The following JAK1 variants were observed in gnomAD, a reference collection of about 807,000 sequenced individuals.
JAK1 encodes the protein tyrosine-protein kinase JAK1.
In JAK1, 16 loss-of-function variants were observed where a neutral mutation model predicts 136.6. The observed-to-expected ratio is 0.12, with a 90% confidence interval of 0.08 to 0.18. The LOEUF (loss-of-function observed/expected upper bound fraction) is 0.18, where lower values mean the gene tolerates loss of function less well. Among genes scored for constraint, JAK1 ranks in the 10% least tolerant of loss-of-function variants. The pLI, the probability that JAK1 is intolerant of heterozygous loss-of-function variation, is 1.00. For synonymous variants in JAK1, 492 were observed against 519.5 expected (o/e 0.95, Z 0.72); for missense variants, 859 against 1,450.1 (o/e 0.59, Z 6.62).
intron 2 of JAK1, among the ~76,000 whole-genome samples, chr1:65,040,931 T>C (rs1454762259): frequency 1.3e-5 from 2 of 152,108 alleles, no homozygotes; most frequent in African/African-American, 4.8e-5. Context: ...AGTTTTTATA[T>C]AGGACTTGGG....
chr1:64,998,275 A>G (rs1022128779), intron 2 of JAK1, among the ~76,000 whole-genome samples: 4 of 152,204 alleles, frequency 2.6e-5, no homozygotes, highest in Admixed American at 2.6e-4. Flanking sequence ...AAAAGAGACA[A>G]CAGCTGGGAA....
intron 2 of JAK1, among the ~76,000 whole-genome samples, chr1:65,041,423 G>A (rs568243974): frequency 3.3e-5 from 5 of 152,246 alleles, no homozygotes; most frequent in Admixed American, 1.3e-4. Flanking sequence ...CCAGTACCCC[G>A]TAAGCACTGG....
chr1:65,062,174 C>T lies in JAK1; in HGVS notation c.-181+5430G>A, dbSNP rs539514496. Among the ~76,000 whole-genome samples, 5 of 152,188 alleles carry T rather than the reference C, an allele frequency of 3.3e-5. No individual in the cohort carries two copies. The South Asian group carries it at 6.2e-4, about 19-fold the overall frequency. On this transcript the variant is annotated intron_variant, in intron 1 of 25. Coordinates refer to the JAK1 transcript ENST00000671954. ...AAATACATGACTGGCCCATATATTA[C>T]ATTATATGGGCCTCTCCCCTTCAAA...
chr1:64,988,808 G>A (rs1197649738), intron 2 of JAK1, among the ~76,000 whole-genome samples: 1 of 151,882 alleles, frequency 6.6e-6, no homozygotes, highest in Non-Finnish European at 1.5e-5. Context: ...AGGATCATTT[G>A]AGCCTGGGAA....
chr1:65,051,406 A>C (rs193219997), intron 1 of JAK1, among the ~76,000 whole-genome samples: 165 of 152,298 alleles, frequency 1.1e-3, no homozygotes, highest in African/African-American at 3.8e-3. Context: ...AAGCTTCTAC[A>C]CTACCAATAC....
chr1:64,925,835 T>C (rs565975490), intron 1 of JAK1, among the ~76,000 whole-genome samples: 1 of 152,280 alleles, frequency 6.6e-6, no homozygotes, highest in Non-Finnish European at 1.5e-5. Flanking sequence ...AAAGCCCAGA[T>C]TATACAGCCC....
At chr1:64,864,695 G>A in intron 8 of JAK1, 92 bp downstream of exon 8, 1 of 1,038,290 alleles carries the variant, frequency 9.6e-7, no homozygotes, top group Non-Finnish European at 1.4e-6. Context: ...TTTAGGACAG[G>A]AACTCTGAAA....
rs376403454 is a variant in JAK1, at chr1:64,881,842, T to C, written c.205+1435A>G. Among the ~76,000 whole-genome samples the C allele has an allele frequency of 4.6e-5, 7 of 152,124 alleles. No individual in the cohort carries two copies. The East Asian group carries it at 7.7e-4, about 17-fold the overall frequency. ...GCAACAATGACCTTTGCTTACAAACTGAGTGAGGTTTATACCTGCTGTGCT... is the reference window on the plus strand; with the variant it reads ...GCAACAATGACCTTTGCTTACAAACCGAGTGAGGTTTATACCTGCTGTGCT... On this transcript the variant is annotated intron_variant, in intron 3 of 24. Transcript: ENST00000342505.
intron 2 of JAK1, among the ~76,000 whole-genome samples, chr1:65,021,944 A>G (rs1034178916): frequency 7.2e-5 from 11 of 152,218 alleles, no homozygotes; most frequent in African/African-American, 2.7e-4. Flanking sequence ...GGAGGAGTAC[A>G]GCTGTGTCTT....
In JAK1 at chr1:64,834,009, G is replaced by C. The variant is rs952498769; in HGVS notation, c.*553C>G. 1.3e-5 allele frequency: 3 copies of C among 232,804 alleles called. No homozygotes were observed. Among genetic ancestry groups the C allele is most frequent in the Non-Finnish European group, 2.5e-5 (3 of 117,852 alleles). The allele number at this position is 232,804 out of a possible 1,614,324, so 14.4% of individuals were successfully genotyped here. On this transcript the variant is annotated 3_prime_UTR_variant, in exon 25 of 25. Coordinates refer to ENST00000342505, the MANE Select transcript of JAK1 (RefSeq NM_002227.4). Reference sequence around the variant, plus strand: ...CAAAGTTTAAGTCCTACTGGTGAGAGAATACAGTCATTTTTGTACAGAAAC... The same window carrying C: ...CAAAGTTTAAGTCCTACTGGTGAGACAATACAGTCATTTTTGTACAGAAAC...
At chr1:64,860,316 T>C in intron 8 of JAK1, 54 bp from the exon 9 acceptor site, 2 of 1,492,048 alleles carry the variant, frequency 1.3e-6, no homozygotes, top group South Asian at 1.3e-5. Flanking sequence ...TCAGCTTAAG[T>C]GGCTGACTCT....
At chr1:64,840,248 A>C (rs1316086219) in intron 19 of JAK1, among the ~76,000 whole-genome samples, 1 of 152,144 alleles carries the variant, frequency 6.6e-6, no homozygotes, top group African/African-American at 2.4e-5. Flanking sequence ...CAAGTCCCCA[A>C]ATCGGAGCTG....
At chr1:65,031,693 G>A (rs1647025152) in intron 2 of JAK1, among the ~76,000 whole-genome samples, 2 of 151,878 alleles carry the variant, frequency 1.3e-5, no homozygotes, top group African/African-American at 2.4e-5. Flanking sequence ...CTTTTTTTCA[G>A]CAAATAATCT....
chr1:65,043,700 A>ATTTTTT (rs112982943), intron 2 of JAK1, among the ~76,000 whole-genome samples: 3 of 101,246 alleles, frequency 3.0e-5, no homozygotes, highest in Non-Finnish European at 6.3e-5. Flanking sequence ...CACCTGGCTA[A>ATTTTTT]TTTTTTTTTT....
rs1654721118 is a variant in JAK1 at position 64,839,151 on chromosome 1, A to C, written c.2842+452T>G. 7.9e-5 allele frequency among the ~76,000 whole-genome samples: 12 copies of C among 151,346 alleles called. No individual in the cohort carries two copies. In the South Asian group the frequency reaches 2.5e-3, roughly 32 times the overall value. ...ACAGAGCGAGACTCCGTCTCAAAAAAAAAAAAAAAAAAAAAAAAATTATCA... is the reference window on the plus strand; with the variant it reads ...ACAGAGCGAGACTCCGTCTCAAAAACAAAAAAAAAAAAAAAAAAATTATCA... On this transcript the variant is annotated intron_variant, in intron 20 of 24. Transcript: ENST00000342505.
At chr1:65,008,374 A>G (rs1211750743) in intron 2 of JAK1, among the ~76,000 whole-genome samples, 2 of 152,262 alleles carry the variant, frequency 1.3e-5, no homozygotes, top group Admixed American at 1.3e-4. Context: ...TTGGAGAAAT[A>G]GTTTGAGGTC....
At chr1:65,001,268 C>T (rs1646753549) in intron 2 of JAK1, among the ~76,000 whole-genome samples, 1 of 152,176 alleles carries the variant, frequency 6.6e-6, no homozygotes, top group South Asian at 2.1e-4. Flanking sequence ...ACAGCCCGAC[C>T]CACGCGTTTA....
At chr1:64,837,473 G>C (rs1382967773) in intron 22 of JAK1, among the ~76,000 whole-genome samples, 1 of 152,172 alleles carries the variant, frequency 6.6e-6, no homozygotes, top group Non-Finnish European at 1.5e-5. Flanking sequence ...AACCTCTGGT[G>C]ATTCATGAGA....
intron 11 of JAK1, among the ~76,000 whole-genome samples, chr1:64,853,216 G>A (rs920109632): frequency 3.3e-5 from 5 of 152,176 alleles, no homozygotes; most frequent in African/African-American, 9.7e-5. Context: ...AGGGAAGAGA[G>A]AGAGCTTTGG....
Sources: gnomAD v4.1 joint callset for allele counts (sites outside exome capture counted in the v4.1 genomes callset) on GRCh38, gnomAD v4.1.1 for gene constraint, MANE v1.5 for transcripts, NCBI Gene and HGNC (gene_info 2026-07-23, HGNC 2026-07-21) for gene names.